Variants in ABCA5 observed in about 807,000 individuals in gnomAD.
ABCA5 encodes the protein ATP binding cassette subfamily A member 5, also known as cholesterol transporter ABCA5.
Under a neutral mutation model 206.0 loss-of-function variants are expected in ABCA5, and 163 were observed. The observed-to-expected ratio is 0.79, with a 90% CI of 0.70 to 0.90. ABCA5 has a LOEUF of 0.90. Ranked by LOEUF, ABCA5 falls within the 40% of genes least tolerant of loss-of-function variation. The pLI is 0.00. For synonymous variants in ABCA5, 609 were observed against 613.8 expected (o/e 0.99, Z 0.11); for missense variants, 1,859 against 1,912.9 (o/e 0.97, Z 0.53).
At position 69,301,977 on chromosome 17, in the gene ABCA5, G is replaced by A. The variant is rs995202245; in HGVS notation, c.1120-691C>T. Among the ~76,000 whole-genome samples, 9 of 152,180 alleles carry A rather than the reference G, an allele frequency of 5.9e-5. No individual in the cohort carries two copies. The Middle Eastern group carries it at 0.01, about 173-fold the overall frequency. Reference sequence around the variant, plus strand: ...CGTTCCTAGAGAACGCGGACTCGGGGACTCAATGAACTCTCAAAATGTATA... The same window carrying A: ...CGTTCCTAGAGAACGCGGACTCGGGAACTCAATGAACTCTCAAAATGTATA... On this transcript the variant is annotated intron_variant, in intron 8 of 38. Coordinates refer to ENST00000392676, the MANE Select transcript of ABCA5 (RefSeq NM_172232.4).
At chr17:69,288,055 A>T (rs2075479655) in intron 14 of ABCA5, among the ~76,000 whole-genome samples, 1 of 152,222 alleles carries the variant, frequency 6.6e-6, no homozygotes, top group Admixed American at 6.5e-5. Context: ...ATCCTTAACA[A>T]TTAAATTTGT....
rs573167399 is a variant in ABCA5 at position 69,256,614 on chromosome 17, C to T, written c.3732-331G>A. 6.6e-5 allele frequency among the ~76,000 whole-genome samples: 10 copies of T among 151,824 alleles called. No homozygotes were observed. The South Asian group carries it at 1.9e-3, about 29-fold the overall frequency. ...GGGATTACAGGCACGCGCCACCATG[C>T]CCGGCTCATTTTTGTATTTTTAGTA... On this transcript the variant is annotated intron_variant, in intron 28 of 38. Coordinates refer to ENST00000392676, the MANE Select transcript of ABCA5 (RefSeq NM_172232.4).
rs977426773 is a variant in ABCA5 at position 69,311,070 on chromosome 17, T to C, written c.308-1647A>G. ...TTAGCCAGGTGTGGTGGTGTGCACC[T>C]GTAGTCCCAGCTACTCAGGAGGCTG... is the stretch of plus-strand genomic sequence containing the variant. On this transcript the variant is annotated intron_variant, in intron 3 of 38. Transcript: ENST00000392676. Among the ~76,000 whole-genome samples, 7 of 152,254 alleles carry C rather than the reference T, an allele frequency of 4.6e-5. 1 individual carries two copies. In the East Asian group the frequency reaches 1.4e-3, roughly 29 times the overall value.
intron 18 of ABCA5, among the ~76,000 whole-genome samples, chr17:69,280,182 T>C (rs1355921654): frequency 6.6e-6 from 1 of 151,746 alleles, no homozygotes; most frequent in East Asian, 1.9e-4. Flanking sequence ...CAAACAAATT[T>C]ACAAGAAAAA....
rs375612299 is a variant in ABCA5, at chr17:69,304,729, T to C, written c.870A>G (p.Leu290=). 11 of 1,609,282 alleles carry C rather than the reference T, an allele frequency of 6.8e-6. No individual in the cohort carries two copies. Among genetic ancestry groups the C allele is most frequent in the Middle Eastern group, 1.7e-4 (1 of 5,986 alleles). The part of the protein sequence containing the change: ...LMAVIATASL[L]FPQSSSIVIF... ...TCACAATGCTGCTACTTTGAGGAAA[T>C]AACAAAGAAGCTGTCGCAATGACTG... The change falls in exon 7 of 39, where the codon TTA becomes TTG. Residue 290 remains leucine, a synonymous_variant. Transcript: ENST00000392676.
chr17:69,297,103 TACC>T, intron 10 of ABCA5, 85 bp downstream of exon 10: 1 of 1,275,556 alleles, frequency 7.8e-7, no homozygotes, highest in Non-Finnish European at 1.1e-6. Flanking sequence ...AAATCTAATA[TACC>T]ATATTTACAT....
chr17:69,316,091 GAACAC>G (rs2075813538), intron 1 of ABCA5, among the ~76,000 whole-genome samples: 1 of 152,028 alleles, frequency 6.6e-6, no homozygotes, highest in African/African-American at 2.4e-5. Flanking sequence ...AAATCAGAAT[GAACAC>G]AACAGAAAAA....
intron 24 of ABCA5, among the ~76,000 whole-genome samples, chr17:69,262,636 A>C (rs1194786209): frequency 6.6e-6 from 1 of 152,100 alleles, no homozygotes; most frequent in Non-Finnish European, 1.5e-5. Flanking sequence ...ATCACTGGTC[A>C]ATGGGCTCCT....
intron 19 of ABCA5, among the ~76,000 whole-genome samples, chr17:69,276,664 A>C (rs2075335527): frequency 6.6e-6 from 1 of 152,116 alleles, no homozygotes; most frequent in Non-Finnish European, 1.5e-5. Flanking sequence ...GAGGGTTGGG[A>C]CTGGGGAGGG....
In ABCA5 at chr17:69,308,141, C is replaced by CT. The variant is rs372434989; in HGVS notation, c.558+138dup. On this transcript the variant is annotated intron_variant, in intron 5 of 38. Transcript: ENST00000392676. Reference sequence around the variant, plus strand: ...AAATCAGAAAATATGACTTTTTTATCTTTTTTCTCAAAGGAGTTGTAGTAG... The same window carrying CT: ...AAATCAGAAAATATGACTTTTTTATCTTTTTTTCTCAAAGGAGTTGTAGTAG... 7.0e-3 allele frequency: 2,706 copies of CT among 388,128 alleles called. 18 individuals are homozygous for CT. Among genetic ancestry groups the CT allele is most frequent in the Middle Eastern group, 0.013 (19 of 1,436 alleles). The allele number at this position is 388,128 out of a possible 1,614,324, so 24.0% of individuals were successfully genotyped here. A position where few individuals can be genotyped will look rare whatever the true frequency, so the allele number is the denominator to read the frequency against.
At chr17:69,303,829 T>TACACAC (rs369775125) in intron 7 of ABCA5, among the ~76,000 whole-genome samples, 209 of 14,594 alleles carry the variant, frequency 0.014, 49 homozygotes, top group South Asian at 0.067. Flanking sequence ...TATATATGTA[T>TACACAC]ATATATATAT....
chr17:69,246,979 A>C lies in ABCA5; in HGVS notation c.*558T>G, dbSNP rs552151851. 6.6e-6 allele frequency: 1 copy of C among 152,138 alleles called. No homozygotes were observed. Among genetic ancestry groups the C allele is most frequent in the South Asian group, 2.1e-4 (1 of 4,828 alleles). 9.4% of individuals were successfully genotyped at this position (152,138 alleles called of 1,614,324 possible). A position where few individuals can be genotyped will look rare whatever the true frequency, so the allele number is the denominator to read the frequency against. The stretch of plus-strand genomic sequence containing the variant: ...TCACTTATTATGATCAATGACTGCC[A>C]CCTAGTGGATATAACTTTCCTCAAA... On this transcript the variant is annotated 3_prime_UTR_variant, in exon 39 of 39. Transcript: ENST00000392676.
chr17:69,252,609 G>A (rs988432472), intron 34 of ABCA5, among the ~76,000 whole-genome samples: 1 of 152,060 alleles, frequency 6.6e-6, no homozygotes, highest in African/African-American at 2.4e-5. Flanking sequence ...GCCGAAGGGG[G>A]CGGATCACCT....
At chr17:69,295,774 T>C (rs979655570) in intron 10 of ABCA5, among the ~76,000 whole-genome samples, 1 of 152,188 alleles carries the variant, frequency 6.6e-6, no homozygotes, top group Non-Finnish European at 1.5e-5. Context: ...ATTCATGACA[T>C]ACCTAACATT....
At chr17:69,287,451 C>A (rs565377851) in intron 15 of ABCA5, among the ~76,000 whole-genome samples, 162 bp downstream of exon 15, 1 of 152,214 alleles carries the variant, frequency 6.6e-6, no homozygotes, top group South Asian at 2.1e-4. Flanking sequence ...AGATTCTCAA[C>A]ACAAAAATGT....
chr17:69,258,374 A>G (rs931029587), intron 28 of ABCA5, among the ~76,000 whole-genome samples: 7 of 152,170 alleles, frequency 4.6e-5, no homozygotes, highest in African/African-American at 1.4e-4. Context: ...TTACAGCAAC[A>G]TGGATGGAAC....
At chr17:69,273,514 G>A (rs1421684301) in intron 20 of ABCA5, among the ~76,000 whole-genome samples, 1 of 145,884 alleles carries the variant, frequency 6.9e-6, no homozygotes, top group East Asian at 1.9e-4. Context: ...GGAATGCAGT[G>A]GTGCAATCTC....
intron 18 of ABCA5, among the ~76,000 whole-genome samples, chr17:69,279,586 G>T (rs201408061): frequency 0.39 from 58,060 of 150,680 alleles, 12,033 homozygotes; most frequent in Middle Eastern, 0.51. Context: ...TCAATCCTAA[G>T]CCAAAAGAAC....
chr17:69,323,444 C>T (rs2075879126), intron 1 of ABCA5, among the ~76,000 whole-genome samples: 1 of 152,186 alleles, frequency 6.6e-6, no homozygotes, highest in African/African-American at 2.4e-5. Context: ...CTTCAGGAGT[C>T]TGTGTCCTCC....
Sources: gnomAD v4.1 joint callset for allele counts (sites outside exome capture counted in the v4.1 genomes callset) on GRCh38, gnomAD v4.1.1 for gene constraint, MANE v1.5 for transcripts, NCBI Gene and HGNC (gene_info 2026-07-23, HGNC 2026-07-21) for gene names.